The following C5orf63 variants were observed in gnomAD, a reference collection of about 807,000 sequenced individuals.
C5orf63 encodes the protein glutaredoxin-like protein C5orf63.
C5orf63 carries 18 observed loss-of-function variants against 13.3 expected under a neutral mutation model. The observed-to-expected ratio is 1.36, with a 90% CI of 0.94 to 2.01. The LOEUF is 2.01. C5orf63 is among the 30% of genes most tolerant of loss of function. The pLI, the probability that C5orf63 is intolerant of heterozygous loss-of-function variation, is 0.00. For synonymous variants in C5orf63, 38 were observed against 44.7 expected (o/e 0.85, Z 0.60); for missense variants, 118 against 127.7 (o/e 0.92, Z 0.36).
At chr5:127,059,572 C>A (rs986479526) in intron 2 of C5orf63, among the ~76,000 whole-genome samples, 15 of 151,348 alleles carry the variant, frequency 9.9e-5, no homozygotes, top group Non-Finnish European at 1.9e-4. Context: ...ACTAAAAATA[C>A]AAAAAATTAG....
chr5:127,051,287 T>A (rs1753662443), downstream of C5orf63: 2 of 1,225,030 alleles, frequency 1.6e-6, no homozygotes, highest in South Asian at 8.5e-5. Context: ...TCCCACTGAA[T>A]AGGCTTCATG....
At chr5:127,047,782 TA>T (rs1488767989), downstream of C5orf63, 1 of 703,992 alleles carries the variant, frequency 1.4e-6, no homozygotes, top group East Asian at 2.7e-5. Flanking sequence ...TCCCATGTCA[TA>T]ATCAAAACTT....
chr5:127,052,182 A>G (rs958696121), intron 4 of C5orf63, among the ~76,000 whole-genome samples: 7 of 152,210 alleles, frequency 4.6e-5, no homozygotes, highest in Admixed American at 1.3e-4. Flanking sequence ...CAGCATCAGG[A>G]CAGTACTCAG....
Position 127,058,863 on chromosome 5 carries a change from T to C in C5orf63, c.114+19A>G. ...GTACAACTTTCTTCACCCAACAATTTTACTTTTTCACTTTGTACCTTTGTG... is the reference window on the plus strand; with the variant it reads ...GTACAACTTTCTTCACCCAACAATTCTACTTTTTCACTTTGTACCTTTGTG... On this transcript the variant is annotated intron_variant, in intron 3 of 4. Transcript: ENST00000296662. 6.8e-7 allele frequency: 1 copy of C among 1,465,154 alleles called. No homozygotes were observed. The highest frequency in any genetic ancestry group is 1.4e-5 in the African/African-American group (1 of 71,440). 90.8% of individuals were successfully genotyped at this position (1,465,154 alleles called of 1,614,324 possible).
exon 5 of C5orf63, chr5:127,046,191 C>T (rs896162545): frequency 6.6e-6 from 1 of 152,240 alleles, no homozygotes; most frequent in South Asian, 2.1e-4. Context: ...CTTACCTTTC[C>T]CATCCACCAA....
At chr5:127,068,938 T>G (rs1166850442) in intron 2 of C5orf63, among the ~76,000 whole-genome samples, 1 of 152,166 alleles carries the variant, frequency 6.6e-6, no homozygotes, top group African/African-American at 2.4e-5. Context: ...ACAATGGGGT[T>G]TGCACACACT....
chr5:127,069,854 T>C (rs1190752315), intron 2 of C5orf63, among the ~76,000 whole-genome samples: 1 of 152,210 alleles, frequency 6.6e-6, no homozygotes, highest in South Asian at 2.1e-4. Context: ...CCTTGCTTTA[T>C]GTATAAGGAA....
intron 2 of C5orf63, among the ~76,000 whole-genome samples, chr5:127,060,190 T>C (rs1484589995): frequency 1.3e-5 from 2 of 152,034 alleles, no homozygotes; most frequent in Non-Finnish European, 2.9e-5. Context: ...ACAGGAACTA[T>C]AGGAGAGAAT....
chr5:127,063,940 T>C (rs1338067996), intron 2 of C5orf63, among the ~76,000 whole-genome samples: 1 of 152,146 alleles, frequency 6.6e-6, no homozygotes, highest in Non-Finnish European at 1.5e-5. Context: ...TTATTTTAGA[T>C]TACTGGAAGT....
chr5:127,066,031 T>C (rs1455785813), intron 2 of C5orf63, among the ~76,000 whole-genome samples: 1 of 152,152 alleles, frequency 6.6e-6, no homozygotes, highest in Non-Finnish European at 1.5e-5. Flanking sequence ...TGAGGCAGGT[T>C]CTTTAATTAA....
At chr5:127,048,149 G>A (rs1753565330), downstream of C5orf63, among the ~76,000 whole-genome samples, 1 of 151,840 alleles carries the variant, frequency 6.6e-6, no homozygotes, top group Non-Finnish European at 1.5e-5. Context: ...TCGGAACCCA[G>A]TGTTTCCCTC....
chr5:127,072,372 T>A (rs1754578314), intron 1 of C5orf63, among the ~76,000 whole-genome samples: 1 of 152,192 alleles, frequency 6.6e-6, no homozygotes, highest in Non-Finnish European at 1.5e-5. Flanking sequence ...TGTATACAGC[T>A]CCAAATATTG....
At chr5:127,056,747 G>A (rs546917967) in intron 3 of C5orf63, among the ~76,000 whole-genome samples, 3 of 152,328 alleles carry the variant, frequency 2.0e-5, no homozygotes, top group African/African-American at 7.2e-5. Flanking sequence ...AACATGTTTA[G>A]TTCCTAAATC....
At chr5:127,058,838 G>T in intron 3 of C5orf63, 44 bp downstream of exon 3, 1 of 1,268,838 alleles carries the variant, frequency 7.9e-7, no homozygotes, top group Non-Finnish European at 1.1e-6. Context: ...TTTCTTAAAT[G>T]TACAACTTTC....
At chr5:127,072,555 T>C (rs1282166940) in intron 1 of C5orf63, among the ~76,000 whole-genome samples, 1 of 152,086 alleles carries the variant, frequency 6.6e-6, no homozygotes, top group South Asian at 2.1e-4. Context: ...CGCTAGAAAG[T>C]ATTGGGATAT....
intron 2 of C5orf63, among the ~76,000 whole-genome samples, chr5:127,066,773 T>C (rs1423373825): frequency 6.6e-6 from 1 of 151,586 alleles, no homozygotes; most frequent in South Asian, 2.1e-4. Flanking sequence ...TCTAAAATTG[T>C]ACAGAAAAAA....
At chr5:127,062,969 A>G (rs1754164838) in intron 2 of C5orf63, among the ~76,000 whole-genome samples, 1 of 152,092 alleles carries the variant, frequency 6.6e-6, no homozygotes, top group South Asian at 2.1e-4. Flanking sequence ...TGTTCACAAT[A>G]CCAAAGAAGA....
downstream of C5orf63, chr5:127,046,717 G>GT (rs1753528947): frequency 6.6e-6 from 1 of 152,232 alleles, no homozygotes; most frequent in South Asian, 2.1e-4. Context: ...TGGGTGCCTG[G>GT]TTGTAAAATA....
chr5:127,070,122 T>C (rs2091778615), intron 2 of C5orf63, among the ~76,000 whole-genome samples: 2 of 152,148 alleles, frequency 1.3e-5, no homozygotes, highest in African/African-American at 4.8e-5. Flanking sequence ...AAAGTCTCAG[T>C]TTCAGACAGT....
Sources: gnomAD v4.1 joint callset for allele counts (sites outside exome capture counted in the v4.1 genomes callset) on GRCh38, gnomAD v4.1.1 for gene constraint, MANE v1.5 for transcripts, NCBI Gene and HGNC (gene_info 2026-07-23, HGNC 2026-07-21) for gene names.